WARS2: variants seen among roughly 807,000 people sequenced by gnomAD.
The protein encoded by WARS2 is tryptophan--tRNA ligase, mitochondrial.
WARS2 carries 28 observed loss-of-function variants against 36.5 expected under a neutral mutation model. The observed-to-expected ratio is 0.77, with a 90% CI of 0.57 to 1.05. The LOEUF is 1.05. Among genes scored for constraint, WARS2 ranks in the 50% least tolerant of loss-of-function variants. The pLI, the probability that WARS2 is intolerant of heterozygous loss-of-function variation, is 0.00. For synonymous variants in WARS2, 174 were observed against 178.4 expected, an observed-to-expected ratio of 0.98 and a Z score of 0.20; for missense variants, 435 against 456.8, an observed-to-expected ratio of 0.95 and a Z score of 0.44.
intron 2 of WARS2, among the ~76,000 whole-genome samples, chr1:119,055,389 G>A (rs1203256653): frequency 6.6e-6 from 1 of 152,100 alleles, no homozygotes; most frequent in Admixed American, 6.6e-5. Flanking sequence ...GAGGAAGGTG[G>A]ATTATCTGAG....
intron 1 of WARS2, among the ~76,000 whole-genome samples, chr1:119,138,156 G>A (rs932203820): frequency 6.6e-6 from 1 of 152,068 alleles, no homozygotes; most frequent in African/African-American, 2.4e-5. Context: ...TTCTACAAAG[G>A]TTATGAGATA....
intron 1 of WARS2, among the ~76,000 whole-genome samples, chr1:119,098,397 G>A (rs904907609): frequency 2.6e-5 from 4 of 152,128 alleles, no homozygotes; most frequent in African/African-American, 9.7e-5. Flanking sequence ...AAAGTTCAGA[G>A]TAGATGTTAT....
chr1:119,033,992 C>T (rs772289894), intron 5 of WARS2, 103 bp downstream of exon 5: 3 of 959,446 alleles, frequency 3.1e-6, no homozygotes, highest in Non-Finnish European at 4.8e-6. Flanking sequence ...AGCCTGTCTA[C>T]AAGAAAGCTG....
chr1:119,062,171 A>T (rs1211777753), intron 2 of WARS2, among the ~76,000 whole-genome samples: 1 of 152,164 alleles, frequency 6.6e-6, no homozygotes, highest in Non-Finnish European at 1.5e-5. Context: ...CTATGAGTAC[A>T]CCTGGAGAGA....
intron 1 of WARS2, among the ~76,000 whole-genome samples, chr1:119,116,058 T>C (rs1386032333): frequency 6.6e-6 from 1 of 152,216 alleles, no homozygotes; most frequent in Non-Finnish European, 1.5e-5. Context: ...ACCTTCACTC[T>C]AAGTACATTT....
chr1:119,080,825 C>T (rs1302012558), intron 1 of WARS2, among the ~76,000 whole-genome samples: 1 of 152,156 alleles, frequency 6.6e-6, no homozygotes, highest in African/African-American at 2.4e-5. Flanking sequence ...GCTTGGGCTT[C>T]CCATGGGTTT....
intron 5 of WARS2, among the ~76,000 whole-genome samples, chr1:119,033,680 G>C (rs1266574187): frequency 1.3e-5 from 2 of 152,192 alleles, no homozygotes; most frequent in Non-Finnish European, 2.9e-5. Flanking sequence ...AGGTGGGCTA[G>C]GCTAAGCTGT....
At chr1:119,125,179 A>G (rs992610794) in intron 1 of WARS2, among the ~76,000 whole-genome samples, 1 of 152,064 alleles carries the variant, frequency 6.6e-6, no homozygotes, top group Non-Finnish European at 1.5e-5. Flanking sequence ...TTTAGCCCCC[A>G]CCTCATGGCT....
chr1:119,109,853 T>A (rs950032165), intron 1 of WARS2, among the ~76,000 whole-genome samples: 3 of 151,818 alleles, frequency 2.0e-5, no homozygotes, highest in Admixed American at 6.6e-5. Context: ...TAATTGGGCA[T>A]TTTATATGAT....
chr1:119,134,819 T>G (rs1182436448), intron 1 of WARS2, among the ~76,000 whole-genome samples: 1 of 152,188 alleles, frequency 6.6e-6, no homozygotes, highest in Non-Finnish European at 1.5e-5. Flanking sequence ...GGCCTCATAT[T>G]GTAATCTTCA....
At chr1:119,057,644 G>C (rs190692029) in intron 2 of WARS2, among the ~76,000 whole-genome samples, 1 of 151,818 alleles carries the variant, frequency 6.6e-6, no homozygotes, top group Non-Finnish European at 1.5e-5. Context: ...ATAATCATTA[G>C]CCAGGCATGG....
chr1:119,098,682 A>C (rs1653636239), intron 1 of WARS2, among the ~76,000 whole-genome samples: 1 of 151,998 alleles, frequency 6.6e-6, no homozygotes, highest in Non-Finnish European at 1.5e-5. Context: ...CAGGTGATCC[A>C]CCTGCCTTGG....
chr1:119,035,464 T>C (rs528430595), intron 4 of WARS2, among the ~76,000 whole-genome samples: 7 of 152,194 alleles, frequency 4.6e-5, no homozygotes, highest in Non-Finnish European at 8.8e-5. Context: ...CGTATACTAA[T>C]TGATAGTAAG....
intron 1 of WARS2, among the ~76,000 whole-genome samples, chr1:119,077,742 GA>G (rs1195425843): frequency 6.6e-6 from 1 of 150,730 alleles, no homozygotes; most frequent in Non-Finnish European, 1.5e-5. Flanking sequence ...GTCATAATAG[GA>G]AAATGAAAAG....
chr1:119,051,654 C>T lies in WARS2; in HGVS notation c.349-5992G>A, dbSNP rs921881400. On this transcript the variant is annotated intron_variant, in intron 2 of 5. Coordinates refer to ENST00000235521, the MANE Select transcript of WARS2 (RefSeq NM_015836.4). ...TGGTTGAACTAATTTATACTCCCGTCAACAGTGTATAAGTGTTCCCTTTAC... is the reference window on the plus strand; with the variant it reads ...TGGTTGAACTAATTTATACTCCCGTTAACAGTGTATAAGTGTTCCCTTTAC... Among the ~76,000 whole-genome samples the T allele has an allele frequency of 9.2e-5, 14 of 152,040 alleles. No individual in the cohort carries two copies. The East Asian group carries it at 1.7e-3, about 19-fold the overall frequency.
rs79602402 is a variant in WARS2, at chr1:119,134,221, C to A, written c.90+6334G>T. ...CATTCTTGCATGCTGTTTGGTGCAT[C>A]CACAAAGAATGCAAAAGATGTAGAA... On this transcript the variant is annotated intron_variant, in intron 1 of 5. Transcript: ENST00000235521. 1.8e-4 allele frequency among the ~76,000 whole-genome samples: 25 copies of A among 141,118 alleles called. No homozygotes were observed. In the East Asian group the frequency reaches 4.6e-3, roughly 26 times the overall value. 92.6% of individuals were successfully genotyped at this position (141,118 alleles called of 152,430 possible). A position where few individuals can be genotyped will look rare whatever the true frequency, so the allele number is the denominator to read the frequency against.
At chr1:119,062,363 T>C (rs1000364822) in intron 2 of WARS2, among the ~76,000 whole-genome samples, 1 of 152,062 alleles carries the variant, frequency 6.6e-6, no homozygotes, top group Non-Finnish European at 1.5e-5. Context: ...CCTACAAAGA[T>C]AGCATGGTGG....
intron 2 of WARS2, among the ~76,000 whole-genome samples, chr1:119,046,778 T>TC (rs1208877437): frequency 6.6e-6 from 1 of 151,572 alleles, no homozygotes; most frequent in Non-Finnish European, 1.5e-5. Context: ...CTGTGGCTTT[T>TC]TTTTTTTTTT....
rs142563460 is a variant in WARS2 at position 119,066,451 on chromosome 1, A to C, written c.348+9899T>G. On this transcript the variant is annotated intron_variant, in intron 2 of 5. Coordinates refer to ENST00000235521, the MANE Select transcript of WARS2 (RefSeq NM_015836.4). Reference sequence around the variant, plus strand: ...TGAGATCATGCCATTGCACTCCAGCATGGGTGACAGAGAGAGGCTCTGTCT... The same window carrying C: ...TGAGATCATGCCATTGCACTCCAGCCTGGGTGACAGAGAGAGGCTCTGTCT... Among the ~76,000 whole-genome samples the C allele has an allele frequency of 8.8e-3, 1,269 of 143,544 alleles. 13 individuals carry two copies. Among genetic ancestry groups the C allele is most frequent in the African/African-American group, 0.027 (1,049 of 38,684 alleles). The allele number at this position is 143,544 out of a possible 152,430, so 94.2% of individuals were successfully genotyped here.
Sources: allele counts gnomAD v4.1 joint callset (sites outside exome capture counted in the v4.1 genomes callset), GRCh38; gene constraint gnomAD v4.1.1; transcripts MANE v1.5; gene names NCBI Gene and HGNC (gene_info 2026-07-23, HGNC 2026-07-21).